The following PIEZO2 variants were observed in gnomAD, a reference collection of about 807,000 sequenced individuals.
The protein encoded by PIEZO2 is piezo-type mechanosensitive ion channel component 2.
In PIEZO2, 172 loss-of-function variants were observed where a neutral mutation model predicts 337.3. The ratio of observed to expected loss-of-function variants is 0.51; its 90% confidence interval spans 0.45 to 0.58. The LOEUF is 0.58. Among genes scored for constraint, PIEZO2 ranks in the 20% least tolerant of loss-of-function variants. The probability of loss-of-function intolerance (pLI) is 0.00; values close to 1 mark genes in which losing one functional copy is unlikely to be tolerated. For synonymous variants in PIEZO2, 1,251 were observed against 1,228.5 expected (o/e 1.02, Z -0.38); for missense variants, 3,028 against 3,391.3 (o/e 0.89, Z 2.66).
At chr18:10,875,232 G>T (rs1056784948) in intron 4 of PIEZO2, among the ~76,000 whole-genome samples, 6 of 152,036 alleles carry the variant, frequency 3.9e-5, no homozygotes, top group African/African-American at 1.4e-4. Context: ...CCTTTCATTT[G>T]GAGAAAGAGT....
chr18:10,884,134 T>C (rs996014786), intron 4 of PIEZO2, among the ~76,000 whole-genome samples: 1 of 152,160 alleles, frequency 6.6e-6, no homozygotes, highest in Non-Finnish European at 1.5e-5. Context: ...TCTTTAGATT[T>C]TCCATTTACA....
At chr18:10,745,392 AT>A (rs1203219077) in intron 30 of PIEZO2, among the ~76,000 whole-genome samples, 1 of 151,806 alleles carries the variant, frequency 6.6e-6, no homozygotes, top group Non-Finnish European at 1.5e-5. Flanking sequence ...CACATCCCAC[AT>A]TTTCCTATGT....
intron 43 of PIEZO2, among the ~76,000 whole-genome samples, chr18:10,700,926 G>A (rs767469118): frequency 8.5e-5 from 13 of 152,158 alleles, no homozygotes; most frequent in Non-Finnish European, 1.3e-4. Context: ...GGAGGGTTTG[G>A]GTACTTTGCA....
rs1394469156 is a variant in PIEZO2 at position 10,952,416 on chromosome 18, T to C, written c.286+27119A>G. Among the ~76,000 whole-genome samples the C allele has an allele frequency of 6.6e-6, 1 of 152,198 alleles. No homozygotes were observed. Among genetic ancestry groups the C allele is most frequent in the African/African-American group, 2.4e-5 (1 of 41,454 alleles). On this transcript the variant is annotated intron_variant, in intron 3 of 55. Coordinates refer to ENST00000674853, the MANE Select transcript of PIEZO2 (RefSeq NM_001378183.1). This position sits in a 1 kb window ranked among gnomAD's most constrained non-coding sequence, Gnocchi z 4.1. ...TCCTCCACCCCATGGTGAGCAATGATGCACTTTCTACCCTTACAGTTTCAC... is the reference window on the plus strand; with the variant it reads ...TCCTCCACCCCATGGTGAGCAATGACGCACTTTCTACCCTTACAGTTTCAC...
At chr18:10,842,952 TTTAAGAGCTA>T (rs1328243725) in intron 7 of PIEZO2, among the ~76,000 whole-genome samples, 2 of 152,218 alleles carry the variant, frequency 1.3e-5, no homozygotes, top group African/African-American at 4.8e-5. Flanking sequence ...TGCTTCTCAT[TTTAAGAGCTA>T]ATCTCTTATC....
Position 10,815,671 on chromosome 18 carries a change from C to T in PIEZO2, c.918-8397G>A, listed in dbSNP as rs1260550303. On this transcript the variant is annotated intron_variant, in intron 7 of 55. Coordinates refer to ENST00000674853, the MANE Select transcript of PIEZO2 (RefSeq NM_001378183.1). The surrounding 1 kb of genome is among the most constrained non-coding windows in gnomAD (Gnocchi z 4.1). ...GATACATCTTTTGTTTCCACAGCAACGTACCTAGATAATATTTGGGAGTGC... is the reference window on the plus strand; with the variant it reads ...GATACATCTTTTGTTTCCACAGCAATGTACCTAGATAATATTTGGGAGTGC... Among the ~76,000 whole-genome samples the T allele has an allele frequency of 6.6e-6, 1 of 152,124 alleles. No homozygotes were observed. Among genetic ancestry groups the T allele is most frequent in the East Asian group, 1.9e-4 (1 of 5,196 alleles).
At chr18:10,768,176 C>A (rs1428999220) in intron 21 of PIEZO2, among the ~76,000 whole-genome samples, 1 of 152,056 alleles carries the variant, frequency 6.6e-6, no homozygotes, top group Non-Finnish European at 1.5e-5. Context: ...GGGGAGGGAC[C>A]CGAGTCTCGA....
At chr18:10,705,298 T>G (rs2143781745) in intron 41 of PIEZO2, 38 bp downstream of exon 41, 2 of 1,473,222 alleles carry the variant, frequency 1.4e-6, no homozygotes, top group South Asian at 2.7e-5. Context: ...AAGTGGTGAT[T>G]TGGGGATATG....
At chr18:11,119,688 T>C (rs1382545882) in intron 1 of PIEZO2, among the ~76,000 whole-genome samples, 3 of 152,148 alleles carry the variant, frequency 2.0e-5, no homozygotes, top group Non-Finnish European at 4.4e-5. Context: ...ACCACCTCCA[T>C]GAAGCTGAGT....
chr18:10,954,882 A>G lies in PIEZO2; in HGVS notation c.286+24653T>C, dbSNP rs956976150. ...TTTTCCTTGATCTCCCCAGAAAAGT[A>G]TAAACTTCAGGAGATTGAATATATT... is the stretch of plus-strand genomic sequence containing the variant. On this transcript the variant is annotated intron_variant, in intron 3 of 55. Transcript: ENST00000674853. This position sits in a 1 kb window ranked among gnomAD's most constrained non-coding sequence, Gnocchi z 4.2. 6.6e-6 allele frequency among the ~76,000 whole-genome samples: 1 copy of G among 152,250 alleles called. No individual in the cohort carries two copies. The highest frequency in any genetic ancestry group is 6.5e-5 in the Admixed American group (1 of 15,284).
At chr18:10,692,821 T>C (rs2034910557) in intron 47 of PIEZO2, among the ~76,000 whole-genome samples, 1 of 152,186 alleles carries the variant, frequency 6.6e-6, no homozygotes, top group African/African-American at 2.4e-5. Context: ...TACTGTTCTT[T>C]TTCAAAGTTC....
intron 7 of PIEZO2, among the ~76,000 whole-genome samples, chr18:10,848,335 A>C (rs1337605586): frequency 1.3e-5 from 2 of 152,202 alleles, no homozygotes; most frequent in Non-Finnish European, 2.9e-5. Context: ...TTGCACTTGG[A>C]ATGCTTGTTT....
rs140955664 is a variant in PIEZO2, at chr18:10,940,155, G to C, written c.287-28927C>G. Reference sequence around the variant, plus strand: ...TTCAGAGGAGGCTTTGGCCATCTTTGATTAGCACACGAATTTGTTATTTAT... The same window carrying C: ...TTCAGAGGAGGCTTTGGCCATCTTTCATTAGCACACGAATTTGTTATTTAT... On this transcript the variant is annotated intron_variant, in intron 3 of 55. Coordinates refer to ENST00000674853, the MANE Select transcript of PIEZO2 (RefSeq NM_001378183.1). The surrounding 1 kb of genome is among the most constrained non-coding windows in gnomAD (Gnocchi z 5.3). Among the ~76,000 whole-genome samples the C allele has an allele frequency of 9.1e-3, 1,388 of 152,280 alleles. 11 individuals are homozygous for C. The highest frequency in any genetic ancestry group is 0.014 in the Non-Finnish European group (938 of 68,026).
chr18:11,111,941 A>C lies in PIEZO2; in HGVS notation c.64+36584T>G, dbSNP rs2039750110. 6.6e-6 allele frequency among the ~76,000 whole-genome samples: 1 copy of C among 152,234 alleles called. No homozygotes were observed. On this transcript the variant is annotated intron_variant, in intron 1 of 55. Coordinates refer to ENST00000674853, the MANE Select transcript of PIEZO2 (RefSeq NM_001378183.1). This position sits in a 1 kb window ranked among gnomAD's most constrained non-coding sequence, Gnocchi z 6.2. ...AGATCTCAAAGAAACGATCTTCTGC[A>C]GGCCACTTCATGAGTCCCCTTGAAT...
At chr18:10,960,648 G>C (rs2033731452) in intron 3 of PIEZO2, among the ~76,000 whole-genome samples, 1 of 151,024 alleles carries the variant, frequency 6.6e-6, no homozygotes, top group Non-Finnish European at 1.5e-5. Context: ...TTCCTGAGCT[G>C]ATTACTCAGA....
In PIEZO2 at chr18:10,677,974, C is replaced by G. The variant is rs573751442; in HGVS notation, c.7953-99G>C. ...ACTCTTAATTTGATTAATGTCACCACGTTTTCATTGGGTCCACAACGGTCA... is the reference window on the plus strand; with the variant it reads ...ACTCTTAATTTGATTAATGTCACCAGGTTTTCATTGGGTCCACAACGGTCA... On this transcript the variant is annotated intron_variant, in intron 52 of 55. Transcript: ENST00000674853. This position sits in a 1 kb window ranked among gnomAD's most constrained non-coding sequence, Gnocchi z 4.1. The G allele has an allele frequency of 1.4e-5, 17 of 1,202,988 alleles. No homozygotes were observed. Among genetic ancestry groups the G allele is most frequent in the Middle Eastern group, 2.9e-4 (1 of 3,418 alleles). 74.5% of individuals were successfully genotyped at this position (1,202,988 alleles called of 1,614,324 possible).
intron 4 of PIEZO2, among the ~76,000 whole-genome samples, chr18:10,883,023 G>A (rs1308918649): frequency 1.3e-5 from 2 of 151,840 alleles, no homozygotes; most frequent in South Asian, 2.1e-4. Flanking sequence ...ATTTTTGGTA[G>A]AGACATGGTT....
At position 10,680,294 on chromosome 18, in the gene PIEZO2, C is replaced by T. The variant is rs1236644039; in HGVS notation, c.7857G>A (p.Leu2619=). The part of the protein sequence containing the change: ...VAELEGNSNS[L]WTISPPSKQK... The stretch of plus-strand genomic sequence containing the variant: ...GCTTACTGGGTGGGCTGATGGTCCA[C>T]AAAGAATTTGAGTTTCCTTCCAGTT... Residue 2619 remains leucine, a synonymous_variant, in exon 52 of 56, where the codon TTG becomes TTA. Transcript: ENST00000674853. 1.2e-5 allele frequency: 20 copies of T among 1,614,086 alleles called. No homozygotes were observed. The highest frequency in any genetic ancestry group is 1.7e-5 in the Non-Finnish European group (20 of 1,179,948).
intron 1 of PIEZO2, among the ~76,000 whole-genome samples, chr18:11,137,527 G>C (rs978354273): frequency 6.6e-6 from 1 of 152,194 alleles, no homozygotes; most frequent in Non-Finnish European, 1.5e-5. Flanking sequence ...CGCATAGCTC[G>C]TTATGAACAG....
Sources: gnomAD v4.1 joint callset for allele counts (sites outside exome capture counted in the v4.1 genomes callset) on GRCh38, gnomAD v4.1.1 for gene constraint, Gnocchi (gnomAD v3.1) non-coding constraint, MANE v1.5 for transcripts, NCBI Gene and HGNC (gene_info 2026-07-23, HGNC 2026-07-21) for gene names.